Variants in TRAM2 observed in about 807,000 individuals in gnomAD.
TRAM2 encodes translocating chain-associated membrane protein 2.
Under a neutral mutation model 51.0 loss-of-function variants are expected in TRAM2, and 12 were observed. The ratio of observed to expected loss-of-function variants is 0.24; its 90% CI spans 0.15 to 0.38. TRAM2 has a LOEUF of 0.38. Among genes scored for constraint, TRAM2 ranks in the 10% least tolerant of loss-of-function variants. The probability of loss-of-function intolerance (pLI) is 1.00; values close to 1 mark genes in which losing one functional copy is unlikely to be tolerated. For synonymous variants in TRAM2, 175 were observed against 179.4 expected, an observed-to-expected ratio of 0.98 and a Z score of 0.20; for missense variants, 361 against 462.0, an observed-to-expected ratio of 0.78 and a Z score of 2.00.
Position 52,521,774 on chromosome 6 carries a change from A to G in TRAM2, c.185-5037T>C, listed in dbSNP as rs1766680990. 2.0e-5 allele frequency among the ~76,000 whole-genome samples: 3 copies of G among 152,050 alleles called. No individual in the cohort carries two copies. The South Asian group carries it at 6.2e-4, about 31-fold the overall frequency. ...AATAAAATAAAAATAAATAAATAAA[A>G]ATCCTCACACGACCCAGGTTAGAGC... On this transcript the variant is annotated intron_variant, in intron 2 of 10. Transcript: ENST00000182527.
intron 9 of TRAM2, 139 bp from the exon 10 acceptor site, chr6:52,504,893 G>A (rs886325255): frequency 2.0e-5 from 14 of 687,454 alleles, no homozygotes; most frequent in South Asian, 7.4e-5. Flanking sequence ...GGCCCTCTTC[G>A]ATACCACCAC....
At chr6:52,545,916 C>A (rs1767190440) in intron 1 of TRAM2, among the ~76,000 whole-genome samples, 1 of 152,136 alleles carries the variant, frequency 6.6e-6, no homozygotes, top group South Asian at 2.1e-4. Context: ...ACACCCAGCA[C>A]CACCATCCCA....
intron 9 of TRAM2, 93 bp from the exon 10 acceptor site, chr6:52,504,847 C>T: frequency 8.3e-7 from 1 of 1,203,734 alleles, no homozygotes; most frequent in Non-Finnish European, 1.2e-6. Context: ...AGGGGCCCTG[C>T]AGTTCCCATG....
At chr6:52,514,395 G>A (rs1017399601) in intron 4 of TRAM2, among the ~76,000 whole-genome samples, 3 of 152,162 alleles carry the variant, frequency 2.0e-5, no homozygotes, top group Non-Finnish European at 4.4e-5. Context: ...GTTGGCGGGG[G>A]TCGGGGGTCA....
intron 2 of TRAM2, among the ~76,000 whole-genome samples, chr6:52,534,373 C>T (rs1766943490): frequency 6.6e-6 from 1 of 152,194 alleles, no homozygotes; most frequent in Non-Finnish European, 1.5e-5. Flanking sequence ...AAGAGTGAAA[C>T]TCCATCCAAA....
chr6:52,540,670 C>T (rs1767061396), intron 1 of TRAM2, among the ~76,000 whole-genome samples: 2 of 152,238 alleles, frequency 1.3e-5, no homozygotes, highest in Admixed American at 6.5e-5. Context: ...AGTCCCTCTC[C>T]GCAAGCACCA....
At chr6:52,527,871 T>A (rs3789770) in intron 2 of TRAM2, among the ~76,000 whole-genome samples, 32,697 of 152,054 alleles carry the variant, frequency 0.22, 3,664 homozygotes, top group Non-Finnish European at 0.26. Flanking sequence ...CTTAATAAGT[T>A]TTAGTTATTG....
chr6:52,535,664 G>A (rs374839059), intron 2 of TRAM2, 119 bp downstream of exon 2: 65 of 804,224 alleles, frequency 8.1e-5, no homozygotes, highest in East Asian at 7.7e-4. Flanking sequence ...CTGGGTGACA[G>A]AGCAGAGACT....
intron 2 of TRAM2, among the ~76,000 whole-genome samples, chr6:52,530,863 G>A (rs1766876617): frequency 6.6e-6 from 1 of 152,172 alleles, no homozygotes; most frequent in South Asian, 2.1e-4. Context: ...GGGAAGACGA[G>A]AAAGGAGTAT....
chr6:52,538,324 A>C (rs1305467706), intron 1 of TRAM2, among the ~76,000 whole-genome samples: 1 of 152,098 alleles, frequency 6.6e-6, no homozygotes, highest in Non-Finnish European at 1.5e-5. Flanking sequence ...TCCTCTCTTA[A>C]TGGCACCAGG....
chr6:52,531,603 AC>A (rs1766893451), intron 2 of TRAM2, among the ~76,000 whole-genome samples: 1 of 152,200 alleles, frequency 6.6e-6, no homozygotes, highest in Non-Finnish European at 1.5e-5. Flanking sequence ...TGGCCTATGT[AC>A]AGTTACTAGA....
chr6:52,568,397 G>A (rs902787010), intron 1 of TRAM2, among the ~76,000 whole-genome samples: 1 of 152,174 alleles, frequency 6.6e-6, no homozygotes, highest in African/African-American at 2.4e-5. Flanking sequence ...GTACAAAGTT[G>A]GACTACAAAC....
intron 2 of TRAM2, among the ~76,000 whole-genome samples, chr6:52,534,175 A>C (rs1052876088): frequency 2.0e-5 from 3 of 151,846 alleles, no homozygotes; most frequent in African/African-American, 7.3e-5. Context: ...TGAGGTCGGA[A>C]GTTCGAGACC....
At chr6:52,571,076 C>T (rs190741306) in intron 1 of TRAM2, among the ~76,000 whole-genome samples, 2 of 151,938 alleles carry the variant, frequency 1.3e-5, no homozygotes, top group Admixed American at 6.6e-5. Context: ...GTTTCCCCCC[C>T]ACCCCTTTCT....
At chr6:52,560,966 T>G (rs774228394) in intron 1 of TRAM2, among the ~76,000 whole-genome samples, 55 of 152,228 alleles carry the variant, frequency 3.6e-4, no homozygotes, top group Non-Finnish European at 7.3e-4. Flanking sequence ...GCAGCATTAT[T>G]CATAATCGCC....
In TRAM2 at chr6:52,499,661, AC is replaced by A. The variant is rs1227878770; in HGVS notation, c.*3535del. 2 of 152,328 alleles carry A rather than the reference AC, an allele frequency of 1.3e-5. No individual in the cohort carries two copies. The highest frequency in any genetic ancestry group is 3.9e-4 in the East Asian group (2 of 5,178). 9.4% of individuals were successfully genotyped at this position (152,328 alleles called of 1,614,324 possible). The stretch of plus-strand genomic sequence containing the variant: ...AAAGAGACCCCAGAAGCACACACCC[AC>A]CCCAAGCTTCAGGGGTTCTTAGGGT... On this transcript the variant is annotated 3_prime_UTR_variant, in exon 11 of 11. Coordinates refer to ENST00000182527, the MANE Select transcript of TRAM2 (RefSeq NM_012288.4).
At chr6:52,576,728 A>T in intron 1 of TRAM2, 68 bp downstream of exon 1, 3 of 1,572,370 alleles carry the variant, frequency 1.9e-6, no homozygotes, top group Middle Eastern at 1.7e-4. Context: ...GCTGACCTGC[A>T]GGGGTGTGCC....
chr6:52,549,235 TTCCTTCCC>T (rs1767264058), intron 1 of TRAM2, among the ~76,000 whole-genome samples: 2 of 150,996 alleles, frequency 1.3e-5, no homozygotes, highest in South Asian at 4.2e-4. Flanking sequence ...TTTCCTTCCC[TTCCTTCCC>T]TCCTTCCCTC....
At position 52,502,207 on chromosome 6, in the gene TRAM2, CCT is replaced by C. The variant is rs1228365029; in HGVS notation, c.*988_*989del. ...TGAAGTCAAGGTAGTAAGTTTGGCCCCTGACGGGGCTGGCTGGCTCTGGAGGT... is the reference window on the plus strand; with the variant it reads ...TGAAGTCAAGGTAGTAAGTTTGGCCCGACGGGGCTGGCTGGCTCTGGAGGT... On this transcript the variant is annotated 3_prime_UTR_variant, in exon 11 of 11. Coordinates refer to ENST00000182527, the MANE Select transcript of TRAM2 (RefSeq NM_012288.4). The C allele has an allele frequency of 2.6e-5, 4 of 152,288 alleles. No individual in the cohort carries two copies. The highest frequency in any genetic ancestry group is 4.4e-5 in the Non-Finnish European group (3 of 68,092). The allele number at this position is 152,288 out of a possible 1,614,324, so 9.4% of individuals were successfully genotyped here.
Sources: gnomAD v4.1 joint callset for allele counts (sites outside exome capture counted in the v4.1 genomes callset) on GRCh38, gnomAD v4.1.1 for gene constraint, MANE v1.5 for transcripts, NCBI Gene and HGNC (gene_info 2026-07-23, HGNC 2026-07-21) for gene names.